Variants in HEATR5B observed in about 807,000 individuals in gnomAD.
The protein encoded by HEATR5B is HEAT repeat-containing protein 5B.
A neutral mutation model predicts 224.1 loss-of-function variants in HEATR5B; 156 were observed. That is an observed-to-expected ratio of 0.70 (90% CI 0.61 to 0.80). The LOEUF (loss-of-function observed/expected upper bound fraction) is 0.80. HEATR5B is among the 30% of genes least tolerant of loss of function. The probability of loss-of-function intolerance (pLI) is 0.00; values close to 1 mark genes in which losing one functional copy is unlikely to be tolerated. For missense variants in HEATR5B, 2,323 were observed against 2,535.5 expected, an observed-to-expected ratio of 0.92 and a Z score of 1.80; for synonymous variants, 1,027 against 893.0, an observed-to-expected ratio of 1.15 and a Z score of -2.68.
chr2:36,999,007 G>C (rs772008802), intron 33 of HEATR5B, among the ~76,000 whole-genome samples: 5 of 152,166 alleles, frequency 3.3e-5, no homozygotes, highest in African/African-American at 4.8e-5. Context: ...GAGGTCAGGA[G>C]TTCAAGACCA....
Position 37,070,180 on chromosome 2 carries a change from G to A in HEATR5B, c.927+50C>T, listed in dbSNP as rs746245729. 28 of 1,581,000 alleles carry A rather than the reference G, an allele frequency of 1.8e-5. No individual in the cohort carries two copies. In the East Asian group the frequency reaches 3.4e-4, roughly 19 times the overall value. On this transcript the variant is annotated intron_variant, in intron 7 of 35. Coordinates refer to ENST00000233099, the MANE Select transcript of HEATR5B (RefSeq NM_019024.3). Reference sequence around the variant, plus strand: ...CTCCAAAAATGCTGGGATTACAGGCGTGAGCCACCGTGCCTGGCCAAAATT... The same window carrying A: ...CTCCAAAAATGCTGGGATTACAGGCATGAGCCACCGTGCCTGGCCAAAATT...
At chr2:36,985,318 A>G (rs1175580180) in intron 35 of HEATR5B, among the ~76,000 whole-genome samples, 1 of 152,138 alleles carries the variant, frequency 6.6e-6, no homozygotes, top group Non-Finnish European at 1.5e-5. Context: ...ATTTAGTCTT[A>G]GATTCAGTTT....
intron 33 of HEATR5B, among the ~76,000 whole-genome samples, chr2:36,998,064 T>C (rs149600315): frequency 6.6e-6 from 1 of 152,210 alleles, no homozygotes; most frequent in Non-Finnish European, 1.5e-5. Context: ...CTCACATGGA[T>C]GAATGTCTGT....
chr2:37,043,090 G>A (rs1572874441), intron 18 of HEATR5B, among the ~76,000 whole-genome samples: 1 of 152,158 alleles, frequency 6.6e-6, no homozygotes, highest in African/African-American at 2.4e-5. Context: ...TGACTGAAAT[G>A]TTAGAGTTGA....
intron 27 of HEATR5B, among the ~76,000 whole-genome samples, chr2:37,012,709 A>T (rs755617884): frequency 4.6e-5 from 7 of 152,106 alleles, no homozygotes; most frequent in Non-Finnish European, 7.4e-5. Flanking sequence ...GTTTTAGAGG[A>T]TGTACAGAGG....
chr2:37,058,546 A>G lies in HEATR5B; in HGVS notation c.1964T>C (p.Met655Thr). Residue 655 changes from methionine (M) to threonine (T), a missense_variant, in exon 14 of 36, where the codon ATG (methionine) becomes ACG (threonine). Physicochemically the swap from Met to Thr is moderately conservative, Grantham distance 81 (BLOSUM62 -1). Coordinates refer to ENST00000233099, the MANE Select transcript of HEATR5B (RefSeq NM_019024.3). ...TTTCAGATGAGCTCCATGGGCTTTC[A>G]TTACAGATGGAATGCTAAAATATCA... ...MTMMSHIPSV[M>T]KAHGAHLKAS... is the part of the protein sequence containing the mutation. The G allele has an allele frequency of 6.2e-7, 1 of 1,607,294 alleles. No homozygotes were observed.
rs773945213 is a variant in HEATR5B, at chr2:37,003,534, G to A, written c.5050+8C>T. 6.3e-6 allele frequency: 10 copies of A among 1,576,290 alleles called. No homozygotes were observed. The Admixed American group carries it at 1.8e-4, about 29-fold the overall frequency. On this transcript the variant is annotated splice_region_variant and intron_variant, in intron 31 of 35. Coordinates refer to ENST00000233099, the MANE Select transcript of HEATR5B (RefSeq NM_019024.3). Reference sequence around the variant, plus strand: ...TTACTTCAAGTTAGTGTAATTTCTAGTGCTTACTTAGAGTGTTTCTTTTCT... The same window carrying A: ...TTACTTCAAGTTAGTGTAATTTCTAATGCTTACTTAGAGTGTTTCTTTTCT...
chr2:37,047,191 A>G (rs973996103), intron 18 of HEATR5B, among the ~76,000 whole-genome samples: 20 of 151,784 alleles, frequency 1.3e-4, no homozygotes, highest in Admixed American at 3.9e-4. Flanking sequence ...AAAAAAAAAT[A>G]AATAAATAAA....
chr2:37,056,403 T>C (rs771304218), intron 16 of HEATR5B, 37 bp downstream of exon 16: 5 of 1,463,548 alleles, frequency 3.4e-6, no homozygotes, highest in African/African-American at 1.4e-5. Context: ...ACATAATATA[T>C]ATTTAACAAA....
At chr2:37,050,690 T>C (rs777875564) in intron 17 of HEATR5B, among the ~76,000 whole-genome samples, 8 of 152,164 alleles carry the variant, frequency 5.3e-5, no homozygotes, top group Non-Finnish European at 1.0e-4. Context: ...ATAGTTTATA[T>C]AAAAATTTCA....
chr2:37,029,027 A>G (rs573999370), intron 22 of HEATR5B, 107 bp from the exon 23 acceptor site: 200 of 1,076,172 alleles, frequency 1.9e-4, no homozygotes, highest in Middle Eastern at 6.5e-4. Context: ...AACAGCCACA[A>G]AACCAGCTAG....
At chr2:37,001,306 C>T (rs1380429547) in intron 32 of HEATR5B, among the ~76,000 whole-genome samples, 1 of 152,120 alleles carries the variant, frequency 6.6e-6, no homozygotes, top group Non-Finnish European at 1.5e-5. Flanking sequence ...GAATTTGTAA[C>T]TGAAAATTCT....
intron 33 of HEATR5B, among the ~76,000 whole-genome samples, chr2:36,998,264 G>A (rs889600787): frequency 1.3e-5 from 2 of 152,116 alleles, no homozygotes; most frequent in South Asian, 4.1e-4. Context: ...ACACAAAAAT[G>A]TAAGCATTTC....
chr2:37,052,862 T>C (rs1335024927), intron 17 of HEATR5B, among the ~76,000 whole-genome samples: 1 of 152,222 alleles, frequency 6.6e-6, no homozygotes, highest in South Asian at 2.1e-4. Context: ...CAGTACAAGA[T>C]TTTATCATGC....
At chr2:37,045,353 GT>G (rs55854653) in intron 18 of HEATR5B, among the ~76,000 whole-genome samples, 42,475 of 151,788 alleles carry the variant, frequency 0.28, 6,363 homozygotes, top group Non-Finnish European at 0.32. Flanking sequence ...ATATTGCTGA[GT>G]TTTTTTCTGG....
intron 27 of HEATR5B, among the ~76,000 whole-genome samples, chr2:37,009,172 C>G (rs141888995): frequency 6.9e-6 from 1 of 145,304 alleles, no homozygotes; most frequent in Non-Finnish European, 1.5e-5. Context: ...GCAGGGGAAT[C>G]GCTTGAACCA....
intron 33 of HEATR5B, among the ~76,000 whole-genome samples, chr2:36,994,167 G>C (rs756993169): frequency 6.6e-6 from 1 of 152,122 alleles, no homozygotes; most frequent in Non-Finnish European, 1.5e-5. Flanking sequence ...ATGATATGTG[G>C]ATTATAGAGA....
chr2:37,019,402 G>A (rs901751296), intron 26 of HEATR5B, among the ~76,000 whole-genome samples: 2 of 151,518 alleles, frequency 1.3e-5, no homozygotes, highest in African/African-American at 4.8e-5. Flanking sequence ...GAATAAAAAG[G>A]AAAACTGCCA....
intron 5 of HEATR5B, among the ~76,000 whole-genome samples, chr2:37,075,245 T>C (rs182038242): frequency 9.1e-4 from 139 of 152,314 alleles, no homozygotes; most frequent in African/African-American, 3.3e-3. Flanking sequence ...AGGAATGAAC[T>C]ATGGATACAT....
Sources: gnomAD v4.1 joint callset for allele counts (sites outside exome capture counted in the v4.1 genomes callset) on GRCh38, gnomAD v4.1.1 for gene constraint, MANE v1.5 for transcripts, NCBI Gene and HGNC (gene_info 2026-07-23, HGNC 2026-07-21) for gene names.